The following HYAL4 variants were observed in gnomAD, a reference collection of about 807,000 sequenced individuals.
HYAL4 encodes the protein hyaluronidase-4.
Under a neutral mutation model 35.2 loss-of-function variants are expected in HYAL4, and 37 were observed. The ratio of observed to expected loss-of-function variants is 1.05; its 90% confidence interval spans 0.81 to 1.38. The LOEUF (loss-of-function observed/expected upper bound fraction) is 1.38. HYAL4 is among the 40% of genes most tolerant of loss of function. The pLI, the probability that HYAL4 is intolerant of heterozygous loss-of-function variation, is 0.00. For missense variants in HYAL4, 572 were observed against 572.4 expected (o/e 1.00, Z 0.01); for synonymous variants, 198 against 203.2 (o/e 0.97, Z 0.22).
chr7:123,876,824 C>T lies in HYAL4; in HGVS notation c.1115C>T (p.Ala372Val). 1.2e-6 allele frequency: 2 copies of T among 1,614,184 alleles called. No homozygotes were observed. The highest frequency in any genetic ancestry group is 1.7e-6 in the Non-Finnish European group (2 of 1,180,020). The change falls in exon 5 of 5, where the codon GCT becomes GTT. Residue 372 changes from alanine to valine, a missense_variant. By Grantham distance (64) the Ala-to-Val change is moderately conservative. Coordinates refer to ENST00000223026, the MANE Select transcript of HYAL4 (RefSeq NM_012269.3). ...AGCTACATAGCCAATGTGACCAGAG[C>T]TGCTGAGGTATGCAGCCTTCACCTC... ...LGSYIANVTR[A>V]AEVCSLHLCR...
In HYAL4 at chr7:123,868,675, T is replaced by A. The variant is rs776383707; in HGVS notation, c.402T>A (p.Pro134=). The change falls in exon 3 of 5, where the codon CCT becomes CCA. Residue 134 remains proline (P), a synonymous_variant. Coordinates refer to ENST00000223026, the MANE Select transcript of HYAL4 (RefSeq NM_012269.3). ...ACCAAGATATTAATTATTACATCCCTGCTGAAGATTTCAGTGGACTTGCTG... is the reference window on the plus strand; with the variant it reads ...ACCAAGATATTAATTATTACATCCCAGCTGAAGATTTCAGTGGACTTGCTG... ...KADQDINYYI[P]AEDFSGLAVI... 6.2e-7 allele frequency: 1 copy of A among 1,613,764 alleles called. No homozygotes were observed. Among genetic ancestry groups the A allele is most frequent in the Non-Finnish European group, 8.5e-7 (1 of 1,179,936 alleles).
chr7:123,782,679 C>T, the HYAL4 span, among the ~76,000 whole-genome samples: 23 of 151,998 alleles, frequency 1.5e-4, no homozygotes, highest in African/African-American at 4.6e-4. Context: ...GTTCACCTTT[C>T]ATAAGATCCT....
chr7:123,823,697 C>T, the HYAL4 span, among the ~76,000 whole-genome samples: 1 of 144,816 alleles, frequency 6.9e-6, no homozygotes, highest in South Asian at 2.1e-4. Context: ...TATACACACA[C>T]ATATATATTT....
the HYAL4 span, among the ~76,000 whole-genome samples, chr7:123,763,996 G>T: frequency 1.3e-5 from 2 of 152,150 alleles, no homozygotes. Context: ...GTTTGTTGTT[G>T]TTTTTTGAGA....
At position 123,874,747 on chromosome 7, in the gene HYAL4, T is replaced by G. The variant is rs1806967289; in HGVS notation, c.955-14T>G. On this transcript the variant is annotated splice_polypyrimidine_tract_variant and intron_variant, in intron 3 of 4. Coordinates refer to ENST00000223026, the MANE Select transcript of HYAL4 (RefSeq NM_012269.3). ...CATTCAAATTAATAATGAACTCTAC[T>G]GTCTTCAATCTAGCAAGATCTAGTC... is the stretch of plus-strand genomic sequence containing the variant. The G allele has an allele frequency of 1.5e-5, 22 of 1,495,578 alleles. No homozygotes were observed. Among genetic ancestry groups the G allele is most frequent in the Non-Finnish European group, 2.1e-5 (22 of 1,072,162 alleles). The allele number at this position is 1,495,578 out of a possible 1,614,324, so 92.6% of individuals were successfully genotyped here. A position where few individuals can be genotyped will look rare whatever the true frequency, so the allele number is the denominator to read the frequency against.
the HYAL4 span, among the ~76,000 whole-genome samples, chr7:123,769,195 T>C: frequency 1.7e-3 from 252 of 152,356 alleles, no homozygotes; most frequent in African/African-American, 5.7e-3. Flanking sequence ...ACCTTTCTAA[T>C]TGTGTCAAGT....
rs71163703 is a variant in HYAL4, at chr7:123,832,479, C to CTTT, written c.-257+3391_-257+3393dup. On this transcript the variant is annotated intron_variant, in intron 1 of 4. Transcript: ENST00000489978. The stretch of plus-strand genomic sequence containing the variant: ...AGTCCCCAAAGTCTATTGTGTCATA[C>CTTT]TTTTTTTTTTTTTTTTTTTTTTTTT... Among the ~76,000 whole-genome samples, 19 of 21,844 alleles carry CTTT rather than the reference C, an allele frequency of 8.7e-4. 6 individuals carry two copies. Among genetic ancestry groups the CTTT allele is most frequent in the African/African-American group, 1.4e-3 (5 of 3,598 alleles). The allele number at this position is 21,844 out of a possible 152,430, so 14.3% of individuals were successfully genotyped here. A position where few individuals can be genotyped will look rare whatever the true frequency, so the allele number is the denominator to read the frequency against.
the HYAL4 span, among the ~76,000 whole-genome samples, chr7:123,793,097 C>T: frequency 1.3e-5 from 2 of 152,168 alleles, no homozygotes; most frequent in African/African-American, 2.4e-5. Flanking sequence ...GTCTGAGCAT[C>T]AGTTGTGGTG....
intron 4 of HYAL4, among the ~76,000 whole-genome samples, chr7:123,876,253 T>C (rs1807020492): frequency 6.6e-6 from 1 of 152,190 alleles, no homozygotes; most frequent in Admixed American, 6.5e-5. Context: ...CTTGGTAGAA[T>C]GGTGGCATAA....
the HYAL4 span, among the ~76,000 whole-genome samples, chr7:123,789,385 G>C: frequency 6.6e-6 from 1 of 152,168 alleles, no homozygotes; most frequent in Non-Finnish European, 1.5e-5. Flanking sequence ...ATTTGGACAA[G>C]GGCTGACTGG....
At chr7:123,845,722 A>C (rs1038205169) in intron 1 of HYAL4, 37 bp downstream of exon 1, 1 of 152,258 alleles carries the variant, frequency 6.6e-6, no homozygotes, top group Admixed American at 6.5e-5. Flanking sequence ...GATGTTAAAG[A>C]AAGTTGTTTT....
chr7:123,846,235 C>G (rs1196760495), intron 1 of HYAL4, among the ~76,000 whole-genome samples: 1 of 151,994 alleles, frequency 6.6e-6, no homozygotes, highest in East Asian at 1.9e-4. Flanking sequence ...TTGTCTTCAG[C>G]TGCCAGGGTG....
the HYAL4 span, among the ~76,000 whole-genome samples, chr7:123,805,416 G>A: frequency 1.3e-5 from 2 of 152,146 alleles, no homozygotes; most frequent in African/African-American, 4.8e-5. Flanking sequence ...TTATTGTAAA[G>A]TTATTACATT....
At chr7:123,836,651 T>C (rs1805967518) in intron 1 of HYAL4, among the ~76,000 whole-genome samples, 1 of 151,940 alleles carries the variant, frequency 6.6e-6, no homozygotes, top group South Asian at 2.1e-4. Context: ...CTTTTTTTTT[T>C]CAATGTCTTT....
chr7:123,848,020 CA>C (rs1806212664), intron 1 of HYAL4, 68 bp from the exon 2 acceptor site: 1 of 152,596 alleles, frequency 6.6e-6, no homozygotes, highest in African/African-American at 2.4e-5. Flanking sequence ...AGATTTAATG[CA>C]AGCCTCCAGT....
chr7:123,868,455 T>A lies in HYAL4; in HGVS notation c.182T>A (p.Ile61Lys), dbSNP rs745599511. 8.1e-6 allele frequency: 13 copies of A among 1,606,626 alleles called. No individual in the cohort carries two copies. Among genetic ancestry groups the A allele is most frequent in the Admixed American group, 6.9e-5 (4 of 57,982 alleles). The stretch of plus-strand genomic sequence containing the variant: ...AATGCTCCAACAGATCAGTGTTTGA[T>A]AAAATATAATTTAAGACTAAATTTG... ...AWNAPTDQCL[I>K]KYNLRLNLKM... The change falls in exon 3 of 5, where the codon ATA (isoleucine) becomes AAA (lysine). Residue 61 changes from isoleucine (I) to lysine (K), a missense_variant. Transcript: ENST00000223026.
At chr7:123,836,465 T>C (rs1805964840) in intron 1 of HYAL4, among the ~76,000 whole-genome samples, 1 of 152,188 alleles carries the variant, frequency 6.6e-6, no homozygotes, top group African/African-American at 2.4e-5. Context: ...TAAGTTTATA[T>C]GAGTCCTTAT....
chr7:123,840,323 T>C (rs1331174767), upstream of HYAL4, among the ~76,000 whole-genome samples: 1 of 152,192 alleles, frequency 6.6e-6, no homozygotes, highest in African/African-American at 2.4e-5. Context: ...TTCTAGGGCC[T>C]CTGTTCTGTT....
At chr7:123,770,551 T>C in the HYAL4 span, among the ~76,000 whole-genome samples, 1 of 151,908 alleles carries the variant, frequency 6.6e-6, no homozygotes, top group South Asian at 2.1e-4. Context: ...TGGAGGTTTC[T>C]AGCTGAGTGG....
Sources: allele counts gnomAD v4.1 joint callset (sites outside exome capture counted in the v4.1 genomes callset), GRCh38; gene constraint gnomAD v4.1.1; transcripts MANE v1.5; gene names NCBI Gene and HGNC (gene_info 2026-07-23, HGNC 2026-07-21).